The following SNX7 variants were observed in gnomAD, a reference collection of about 807,000 sequenced individuals.
The protein encoded by SNX7 is sorting nexin 7, also known as sorting nexin-7.
A neutral mutation model predicts 48.4 loss-of-function variants in SNX7; 35 were observed. That is an observed-to-expected ratio of 0.72 (90% confidence interval 0.55 to 0.96). The LOEUF is 0.96. Among genes scored for constraint, SNX7 ranks in the 40% least tolerant of loss-of-function variants. The pLI, the probability that SNX7 is intolerant of heterozygous loss-of-function variation, is 0.00. For synonymous variants in SNX7, 190 were observed against 190.2 expected (o/e 1.00, Z 0.01); for missense variants, 553 against 548.9 (o/e 1.01, Z -0.07).
At chr1:98,672,690 C>T (rs1187650595) in intron 1 of SNX7, among the ~76,000 whole-genome samples, 16 of 149,834 alleles carry the variant, frequency 1.1e-4, no homozygotes, top group East Asian at 2.0e-4. Context: ...TTTGGGAGGC[C>T]GAGGCGGGTG....
At chr1:98,669,588 C>T (rs1570483714) in intron 1 of SNX7, among the ~76,000 whole-genome samples, 1 of 152,214 alleles carries the variant, frequency 6.6e-6, no homozygotes, top group African/African-American at 2.4e-5. Context: ...CAGTCTCAGA[C>T]CCCAGTGAAT....
At chr1:98,734,281 C>T (rs754729063) in intron 7 of SNX7, among the ~76,000 whole-genome samples, 2 of 152,088 alleles carry the variant, frequency 1.3e-5, no homozygotes, top group Non-Finnish European at 2.9e-5. Context: ...TCCCATTCTA[C>T]TTTTTATTAT....
chr1:98,665,967 A>T (rs191977015), intron 1 of SNX7, among the ~76,000 whole-genome samples: 64 of 152,240 alleles, frequency 4.2e-4, no homozygotes, highest in Admixed American at 1.2e-3. Context: ...GTATATATAT[A>T]TTTTTTTCTT....
At chr1:98,692,620 A>G (rs1651204829) in intron 4 of SNX7, among the ~76,000 whole-genome samples, 1 of 152,128 alleles carries the variant, frequency 6.6e-6, no homozygotes. Context: ...GAGATGAACT[A>G]CTCACATGGA....
intron 7 of SNX7, among the ~76,000 whole-genome samples, chr1:98,731,790 T>C (rs777713658): frequency 1.5e-4 from 23 of 152,176 alleles, no homozygotes; most frequent in Non-Finnish European, 2.5e-4. Context: ...GATTATCTTA[T>C]GGAATCACTG....
chr1:98,719,939 ATTC>A (rs1652777548), intron 7 of SNX7, among the ~76,000 whole-genome samples: 1 of 149,982 alleles, frequency 6.7e-6, no homozygotes, highest in South Asian at 2.1e-4. Context: ...TATATATATT[ATTC>A]AACTGTATAT....
intron 1 of SNX7, chr1:98,662,634 C>T (rs1010835910): frequency 1.3e-5 from 16 of 1,267,806 alleles, no homozygotes; most frequent in Non-Finnish European, 1.6e-5. Flanking sequence ...ACTTTTGGTA[C>T]GTGTAGACTG....
intron 7 of SNX7, among the ~76,000 whole-genome samples, chr1:98,712,873 C>A (rs1047942520): frequency 6.6e-6 from 1 of 152,106 alleles, no homozygotes; most frequent in African/African-American, 2.4e-5. Context: ...GGGCACATCA[C>A]CTGAGGTTGG....
intron 7 of SNX7, among the ~76,000 whole-genome samples, chr1:98,721,263 G>T (rs1420144884): frequency 2.0e-5 from 3 of 152,082 alleles, no homozygotes; most frequent in African/African-American, 7.2e-5. Flanking sequence ...TCCAAAATCT[G>T]AAACACTTCT....
chr1:98,667,483 C>A (rs1435880833), intron 1 of SNX7, among the ~76,000 whole-genome samples: 1 of 152,128 alleles, frequency 6.6e-6, no homozygotes, highest in Non-Finnish European at 1.5e-5. Flanking sequence ...CTCAAGCTAT[C>A]CTCCTACCTC....
At chr1:98,672,782 G>A (rs1406583723) in intron 1 of SNX7, among the ~76,000 whole-genome samples, 5 of 150,384 alleles carry the variant, frequency 3.3e-5, no homozygotes, top group Admixed American at 2.7e-4. Context: ...AAATTAGCCG[G>A]GCGCGGTGGC....
At chr1:98,686,017 CAGGT>C (rs908962076) in intron 2 of SNX7, among the ~76,000 whole-genome samples, 1 of 152,114 alleles carries the variant, frequency 6.6e-6, no homozygotes, top group African/African-American at 2.4e-5. Flanking sequence ...GCTTTCCACT[CAGGT>C]AGAGCTGCTT....
intron 7 of SNX7, among the ~76,000 whole-genome samples, chr1:98,708,773 G>A (rs949709437): frequency 1.3e-5 from 2 of 152,102 alleles, no homozygotes; most frequent in Non-Finnish European, 2.9e-5. Flanking sequence ...AAGCAAAACT[G>A]TGTTCTCCTA....
intron 8 of SNX7, among the ~76,000 whole-genome samples, chr1:98,745,525 G>A (rs1456503875): frequency 2.0e-5 from 3 of 151,954 alleles, no homozygotes; most frequent in Non-Finnish European, 4.4e-5. Flanking sequence ...TATATCTTTG[G>A]AACTATGTGC....
chr1:98,700,692 G>T (rs114528209), intron 6 of SNX7, among the ~76,000 whole-genome samples: 206 of 152,156 alleles, frequency 1.4e-3, no homozygotes, highest in Non-Finnish European at 2.3e-3. Context: ...TGTGATATAG[G>T]TGTGAACTAC....
At chr1:98,704,127 C>A (rs1002841465) in intron 7 of SNX7, among the ~76,000 whole-genome samples, 18 of 149,758 alleles carry the variant, frequency 1.2e-4, no homozygotes, top group African/African-American at 4.4e-4. Flanking sequence ...TTGTCTTCTG[C>A]TGTATAAAAA....
At position 98,698,839 on chromosome 1, in the gene SNX7, G is replaced by T; in HGVS notation, c.972G>T (p.Met324Ile). 1 of 1,613,868 alleles carries T rather than the reference G, an allele frequency of 6.2e-7. No individual in the cohort carries two copies. The highest frequency in any genetic ancestry group is 8.5e-7 in the Non-Finnish European group (1 of 1,179,812). Residue 324 changes from methionine to isoleucine, a missense_variant, in exon 6 of 9, where the codon ATG becomes ATT. Met to Ile is a conservative substitution (Grantham distance 10). Coordinates refer to ENST00000306121, the MANE Select transcript of SNX7 (RefSeq NM_015976.5). ...DRCCKATEKR[M>I]SGLSEALLPV... ...GCTGTAAGGCCACTGAAAAGCGGAT[G>T]TCTGGACTCTCAGAGGCCCTGCTTC...
intron 7 of SNX7, 83 bp from the exon 8 acceptor site, chr1:98,738,154 A>G: frequency 1.4e-6 from 2 of 1,426,646 alleles, no homozygotes; most frequent in African/African-American, 1.4e-5. Context: ...CTGTTTTGGT[A>G]TTTTGTTCAA....
rs199645298 is a variant in SNX7 at position 98,698,819 on chromosome 1, A to G, written c.952A>G (p.Lys318Glu). The change falls in exon 6 of 9, where the codon AAG becomes GAG. Residue 318 changes from lysine (K) to glutamate (E), a missense_variant. Coordinates refer to ENST00000306121, the MANE Select transcript of SNX7 (RefSeq NM_015976.5). The part of the protein sequence containing the change: ...DVASCIDRCC[K>E]ATEKRMSGLS... ...TGCCAGCTGCATTGACAGATGCTGT[A>G]AGGCCACTGAAAAGCGGATGTCTGG... The G allele has an allele frequency of 5.1e-5, 83 of 1,613,832 alleles. 1 individual carries two copies. In the Middle Eastern group the frequency reaches 6.6e-4, roughly 13 times the overall value.
Sources: allele counts gnomAD v4.1 joint callset (sites outside exome capture counted in the v4.1 genomes callset), GRCh38; gene constraint gnomAD v4.1.1; transcripts MANE v1.5; gene names NCBI Gene and HGNC (gene_info 2026-07-23, HGNC 2026-07-21).